GFM2: variants seen among roughly 807,000 people sequenced by gnomAD.
GFM2 encodes the protein GTP dependent ribosome recycling factor mitochondrial 2.
GFM2 carries 72 observed loss-of-function variants against 95.4 expected under a neutral mutation model. The ratio of observed to expected loss-of-function variants is 0.76; its 90% confidence interval spans 0.62 to 0.92. GFM2 has a LOEUF of 0.92. Ranked by LOEUF, GFM2 falls within the 40% of genes least tolerant of loss-of-function variation. The pLI, the probability that GFM2 is intolerant of heterozygous loss-of-function variation, is 0.00. For synonymous variants in GFM2, 276 were observed against 317.5 expected (o/e 0.87, Z 1.39); for missense variants, 825 against 924.1 (o/e 0.89, Z 1.39).
Position 74,748,963 on chromosome 5 carries a change from TAAAGA to T in GFM2, c.520-1188_520-1184del, listed in dbSNP as rs1257134548. Among the ~76,000 whole-genome samples the T allele has an allele frequency of 4.2e-3, 621 of 146,590 alleles. 7 individuals carry two copies. Among genetic ancestry groups the T allele is most frequent in the African/African-American group, 0.015 (592 of 39,974 alleles). ...AAAAATAAAATAAAATAAAATAAAATAAAGAAACTTCCAAATAGTCTTCCAAAGTA... is the reference window on the plus strand; with the variant it reads ...AAAAATAAAATAAAATAAAATAAAATAACTTCCAAATAGTCTTCCAAAGTA... On this transcript the variant is annotated intron_variant, in intron 7 of 20. Transcript: ENST00000296805.
chr5:74,721,249 A>T lies in GFM2; in HGVS notation c.*406T>A, dbSNP rs562077509. 17 of 1,177,918 alleles carry T rather than the reference A, an allele frequency of 1.4e-5. No homozygotes were observed. The highest frequency in any genetic ancestry group is 1.4e-4 in the African/African-American group (9 of 65,640). 73.0% of individuals were successfully genotyped at this position (1,177,918 alleles called of 1,614,324 possible). A position where few individuals can be genotyped will look rare whatever the true frequency, so the allele number is the denominator to read the frequency against. ...ATTTTGAAATCATGTAAAATAAGAT[A>T]TTAGACTGTTTTTTGAATAAAATAT... On this transcript the variant is annotated 3_prime_UTR_variant, in exon 21 of 21. Coordinates refer to ENST00000296805, the MANE Select transcript of GFM2 (RefSeq NM_032380.5).
At chr5:74,748,112 G>A (rs1743483155) in intron 7 of GFM2, among the ~76,000 whole-genome samples, 1 of 152,094 alleles carries the variant, frequency 6.6e-6, no homozygotes, top group African/African-American at 2.4e-5. Context: ...CCTACTTCTT[G>A]TTTGGCTTCA....
At chr5:74,739,612 A>G (rs1743013953) in intron 12 of GFM2, among the ~76,000 whole-genome samples, 1 of 152,182 alleles carries the variant, frequency 6.6e-6, no homozygotes, top group Non-Finnish European at 1.5e-5. Context: ...TAGGAGTAAA[A>G]CAATGACCTT....
intron 2 of GFM2, 144 bp from the exon 3 acceptor site, chr5:74,761,130 T>C (rs1744262946): frequency 1.6e-5 from 9 of 569,026 alleles, no homozygotes; most frequent in East Asian, 9.0e-5. Context: ...CCAATTCTTT[T>C]AAAAAGTGAC....
chr5:74,750,968 C>T (rs1743670808), intron 6 of GFM2, among the ~76,000 whole-genome samples: 1 of 152,032 alleles, frequency 6.6e-6, no homozygotes, highest in Non-Finnish European at 1.5e-5. Context: ...TTGTCACATG[C>T]TACAATATGA....
chr5:74,743,877 T>C (rs1224412276), intron 10 of GFM2, among the ~76,000 whole-genome samples: 1 of 152,174 alleles, frequency 6.6e-6, no homozygotes, highest in East Asian at 1.9e-4. Context: ...TCCCCATCTG[T>C]AAAATAGGGA....
At chr5:74,743,798 G>A (rs2112286173) in intron 10 of GFM2, among the ~76,000 whole-genome samples, 1 of 152,238 alleles carries the variant, frequency 6.6e-6, no homozygotes, top group African/African-American at 2.4e-5. Context: ...AGATTAACCT[G>A]GGTTCAGATT....
At position 74,745,854 on chromosome 5, in the gene GFM2, G is replaced by GT; in HGVS notation, c.672dup (p.Pro225ThrfsTer4). 1.2e-6 allele frequency: 2 copies of GT among 1,608,864 alleles called. No individual in the cohort carries two copies. Among genetic ancestry groups the GT allele is most frequent in the Non-Finnish European group, 1.7e-6 (2 of 1,177,572 alleles). On this transcript the variant is annotated frameshift_variant, in exon 10 of 21. Transcript: ENST00000296805. LOFTEE classifies it high-confidence loss of function. ...TTGAAAGTTTTGGCTTCACCAATTG[G>GT]TAACTGTAAGTCAGAGTGAGATTAA...
intron 1 of GFM2, among the ~76,000 whole-genome samples, chr5:74,766,613 T>G (rs1744630994): frequency 6.6e-6 from 1 of 152,152 alleles, no homozygotes; most frequent in Admixed American, 6.5e-5. Flanking sequence ...GTCCTGTACC[T>G]CCAAAAAACC....
intron 12 of GFM2, 53 bp downstream of exon 12, chr5:74,739,936 C>A: frequency 1.6e-6 from 2 of 1,252,446 alleles, no homozygotes; most frequent in Non-Finnish European, 2.1e-6. Context: ...AAGTATTTGC[C>A]TACTTGTTTC....
chr5:74,761,256 G>A (rs186435201), intron 2 of GFM2, among the ~76,000 whole-genome samples: 1 of 152,312 alleles, frequency 6.6e-6, no homozygotes, highest in East Asian at 1.9e-4. Context: ...TGGGCTGAGG[G>A]CTTGTTTGAA....
intron 1 of GFM2, chr5:74,765,198 A>C: frequency 1.1e-5 from 10 of 951,550 alleles, no homozygotes; most frequent in Non-Finnish European, 1.3e-5. Context: ...GTTGTCAATA[A>C]AAAGATAATT....
intron 11 of GFM2, among the ~76,000 whole-genome samples, chr5:74,741,205 CT>C (rs1174775279): frequency 6.6e-6 from 1 of 152,070 alleles, no homozygotes. Flanking sequence ...TTAATATAAA[CT>C]TTCTGTGATT....
At chr5:74,726,814 A>G (rs1242451555) in intron 17 of GFM2, among the ~76,000 whole-genome samples, 1 of 152,196 alleles carries the variant, frequency 6.6e-6, no homozygotes, top group African/African-American at 2.4e-5. Context: ...ATAGTCTATA[A>G]TTCTTCATAA....
rs148621552 is a variant in GFM2 at position 74,752,374 on chromosome 5, T to C, written c.305-881A>G. Among the ~76,000 whole-genome samples the C allele has an allele frequency of 1.1e-3, 172 of 152,328 alleles. 3 individuals are homozygous for C. The East Asian group carries it at 0.029, about 25-fold the overall frequency. On this transcript the variant is annotated intron_variant, in intron 5 of 20. Coordinates refer to ENST00000296805, the MANE Select transcript of GFM2 (RefSeq NM_032380.5). ...ATTAAACCCCTAAAATGGTAGCTAG[T>C]TGCCCCATATATGTGTATGTGTATG...
At chr5:74,748,715 A>T (rs1248483479) in intron 7 of GFM2, among the ~76,000 whole-genome samples, 1 of 151,434 alleles carries the variant, frequency 6.6e-6, no homozygotes, top group South Asian at 2.1e-4. Flanking sequence ...AAATACAAAA[A>T]TTAGCCAGGC....
chr5:74,742,238 G>A (rs1303428483), intron 10 of GFM2, among the ~76,000 whole-genome samples: 2 of 149,148 alleles, frequency 1.3e-5, no homozygotes, highest in Admixed American at 6.7e-5. Context: ...GTACAAGGGA[G>A]CAAAACGTTC....
Position 74,746,067 on chromosome 5 carries a change from G to A in GFM2, c.669+38C>T, listed in dbSNP as rs770290784. On this transcript the variant is annotated intron_variant, in intron 9 of 20. Coordinates refer to ENST00000296805, the MANE Select transcript of GFM2 (RefSeq NM_032380.5). ...ATATTGTCACAAAATAAATTAATGAGGAAACTGAGAAGAAGCTGATGCTAT... is the reference window on the plus strand; with the variant it reads ...ATATTGTCACAAAATAAATTAATGAAGAAACTGAGAAGAAGCTGATGCTAT... 3 of 1,374,242 alleles carry A rather than the reference G, an allele frequency of 2.2e-6. No homozygotes were observed. The Admixed American group carries it at 7.1e-5, about 33-fold the overall frequency. 85.1% of individuals were successfully genotyped at this position (1,374,242 alleles called of 1,614,324 possible).
At chr5:74,750,383 C>T (rs971044963) in intron 7 of GFM2, among the ~76,000 whole-genome samples, 196 bp downstream of exon 7, 4 of 152,172 alleles carry the variant, frequency 2.6e-5, no homozygotes, top group Admixed American at 2.6e-4. Flanking sequence ...ACCAGCTTTC[C>T]TATTTCTCCT....
Sources: gnomAD v4.1 joint callset for allele counts (sites outside exome capture counted in the v4.1 genomes callset) on GRCh38, gnomAD v4.1.1 for gene constraint, MANE v1.5 for transcripts, NCBI Gene and HGNC (gene_info 2026-07-23, HGNC 2026-07-21) for gene names.